DEPTOR: variants seen among roughly 807,000 people sequenced by gnomAD.
The protein encoded by DEPTOR is DEP domain-containing mTOR-interacting protein.
In DEPTOR, 41 loss-of-function variants were observed where a neutral mutation model predicts 41.6. The observed-to-expected ratio is 0.98, with a 90% confidence interval of 0.77 to 1.28. DEPTOR has a LOEUF of 1.28. Among genes scored for constraint, DEPTOR ranks in the 50% most tolerant of loss-of-function variants. The pLI, the probability that DEPTOR is intolerant of heterozygous loss-of-function variation, is 0.00. For synonymous variants in DEPTOR, 195 were observed against 192.3 expected (o/e 1.01, Z -0.12); for missense variants, 514 against 527.9 (o/e 0.97, Z 0.26).
chr8:119,948,900 G>T (rs575899173), intron 3 of DEPTOR, among the ~76,000 whole-genome samples: 2 of 152,074 alleles, frequency 1.3e-5, no homozygotes, highest in South Asian at 4.2e-4. Context: ...CAATTCTCCT[G>T]CCCCAGCCTC....
chr8:119,922,955 C>T (rs549843485), intron 1 of DEPTOR, among the ~76,000 whole-genome samples: 44 of 152,230 alleles, frequency 2.9e-4, no homozygotes, highest in African/African-American at 1.0e-3. Flanking sequence ...GTACTTCAGA[C>T]CCAGGAAGAG....
intron 4 of DEPTOR, among the ~76,000 whole-genome samples, chr8:119,982,456 G>A (rs1828780652): frequency 6.6e-6 from 1 of 152,206 alleles, no homozygotes; most frequent in Non-Finnish European, 1.5e-5. Context: ...AATTTGGGAT[G>A]CTAGCTGGGT....
At chr8:120,029,306 A>G (rs1159702637) in intron 8 of DEPTOR, among the ~76,000 whole-genome samples, 8 of 152,158 alleles carry the variant, frequency 5.3e-5, no homozygotes, top group Non-Finnish European at 1.2e-4. Context: ...GAATAGGAAA[A>G]TATCCTTCAT....
chr8:119,931,618 T>C (rs1460805910), intron 3 of DEPTOR, among the ~76,000 whole-genome samples: 1 of 152,210 alleles, frequency 6.6e-6, no homozygotes, highest in African/African-American at 2.4e-5. Flanking sequence ...TGAGGTGGAA[T>C]GATCACCATT....
chr8:119,990,955 G>C (rs926431903), intron 4 of DEPTOR, among the ~76,000 whole-genome samples: 9 of 151,992 alleles, frequency 5.9e-5, no homozygotes, highest in African/African-American at 2.2e-4. Flanking sequence ...TAGGAAATAG[G>C]GCTCCTTCAA....
chr8:119,910,522 G>T (rs183046789), intron 1 of DEPTOR, among the ~76,000 whole-genome samples: 2 of 150,272 alleles, frequency 1.3e-5, no homozygotes, highest in African/African-American at 4.9e-5. Context: ...GCACGATCTC[G>T]GCTCACTACA....
chr8:119,987,995 C>T (rs1477659122), intron 4 of DEPTOR, among the ~76,000 whole-genome samples: 1 of 152,160 alleles, frequency 6.6e-6, no homozygotes, highest in African/African-American at 2.4e-5. Flanking sequence ...ACTTGTCTCC[C>T]TGGCTTCAGC....
chr8:119,901,302 A>G (rs996005344), intron 1 of DEPTOR, among the ~76,000 whole-genome samples: 4 of 152,182 alleles, frequency 2.6e-5, no homozygotes, highest in African/African-American at 9.6e-5. Context: ...CCATTTCAGA[A>G]TCAGCTGATT....
At chr8:119,879,897 A>T (rs1047672678) in intron 1 of DEPTOR, among the ~76,000 whole-genome samples, 3 of 152,096 alleles carry the variant, frequency 2.0e-5, no homozygotes, top group Non-Finnish European at 2.9e-5. Flanking sequence ...TAATCCCAGG[A>T]CTTTGGTAGG....
At chr8:119,954,408 ACTG>A (rs1285059508) in intron 3 of DEPTOR, among the ~76,000 whole-genome samples, 2 of 152,300 alleles carry the variant, frequency 1.3e-5, no homozygotes, top group Admixed American at 1.3e-4. Context: ...GGCCTCCCAA[ACTG>A]CTGGGATTAA....
intron 3 of DEPTOR, among the ~76,000 whole-genome samples, chr8:119,933,916 A>G (rs1479612791): frequency 6.6e-6 from 1 of 152,024 alleles, no homozygotes; most frequent in East Asian, 1.9e-4. Context: ...GTCTCACTCT[A>G]TCACCCAGGC....
chr8:119,957,729 T>C (rs1235138559), intron 3 of DEPTOR, among the ~76,000 whole-genome samples: 2 of 152,028 alleles, frequency 1.3e-5, no homozygotes, highest in Non-Finnish European at 2.9e-5. Flanking sequence ...GCTGGAATTA[T>C]AGGCACGCGC....
At chr8:120,011,658 G>T (rs1812532607) in intron 8 of DEPTOR, among the ~76,000 whole-genome samples, 1 of 152,226 alleles carries the variant, frequency 6.6e-6, no homozygotes, top group Non-Finnish European at 1.5e-5. Flanking sequence ...TAAAGACCTT[G>T]TTTTGCTTAG....
chr8:120,028,344 C>T (rs1308441257), intron 8 of DEPTOR, among the ~76,000 whole-genome samples: 1 of 151,154 alleles, frequency 6.6e-6, no homozygotes, highest in Non-Finnish European at 1.5e-5. Context: ...TTTGACATTG[C>T]AGTATTTCTT....
chr8:120,009,587 T>A (rs560599861), intron 8 of DEPTOR, among the ~76,000 whole-genome samples: 85 of 152,148 alleles, frequency 5.6e-4, no homozygotes, highest in African/African-American at 1.9e-3. Context: ...CACTCCAGCC[T>A]GGGTGACAAA....
At chr8:120,047,988 G>A (rs932979571) in intron 8 of DEPTOR, among the ~76,000 whole-genome samples, 9 of 151,664 alleles carry the variant, frequency 5.9e-5, no homozygotes, top group Admixed American at 6.6e-5. Flanking sequence ...GGAGGAGATC[G>A]TGCCACAGCA....
In DEPTOR at chr8:119,965,260, C is replaced by A. The variant is rs754519819; in HGVS notation, c.454C>A (p.Gln152Lys). Residue 152 changes from glutamine to lysine, a missense_variant, in exon 4 of 9, where the codon CAG becomes AAG. Gln to Lys is a moderately conservative substitution (Grantham distance 53, BLOSUM62 1). Coordinates refer to ENST00000286234, the MANE Select transcript of DEPTOR (RefSeq NM_022783.4). ...KLMSPENTLL[Q>K]PREEEGVKYE... Reference sequence around the variant, plus strand: ...GATGAGCCCTGAAAACACACTCCTGCAGCCCAGGGAGGAGGAAGGGGTCAA... The same window carrying A: ...GATGAGCCCTGAAAACACACTCCTGAAGCCCAGGGAGGAGGAAGGGGTCAA... 5.8e-5 allele frequency: 93 copies of A among 1,613,810 alleles called. 2 individuals carry two copies. The South Asian group carries it at 1.0e-3, about 17-fold the overall frequency.
chr8:119,903,532 A>C (rs1586607130), intron 1 of DEPTOR, among the ~76,000 whole-genome samples: 1 of 152,202 alleles, frequency 6.6e-6, no homozygotes, highest in East Asian at 1.9e-4. Flanking sequence ...AAGTTGTTGA[A>C]ACTTAGGCTG....
chr8:119,946,836 A>G (rs1828284932), intron 3 of DEPTOR, among the ~76,000 whole-genome samples: 1 of 152,206 alleles, frequency 6.6e-6, no homozygotes, highest in Non-Finnish European at 1.5e-5. Flanking sequence ...TAGAATATAA[A>G]ACATTCTTTT....
Sources: gnomAD v4.1 joint callset for allele counts (sites outside exome capture counted in the v4.1 genomes callset) on GRCh38, gnomAD v4.1.1 for gene constraint, MANE v1.5 for transcripts, NCBI Gene and HGNC (gene_info 2026-07-23, HGNC 2026-07-21) for gene names.